Variants in PPARGC1A observed in about 807,000 individuals in gnomAD.
The protein encoded by PPARGC1A is peroxisome proliferator-activated receptor gamma coactivator 1-alpha.
Under a neutral mutation model 88.7 loss-of-function variants are expected in PPARGC1A, and 25 were observed. That is an observed-to-expected ratio of 0.28 (90% CI 0.21 to 0.39). The LOEUF (loss-of-function observed/expected upper bound fraction) is 0.39. Ranked by LOEUF, PPARGC1A falls within the 10% of genes least tolerant of loss-of-function variation. The pLI is 1.00. For missense variants in PPARGC1A, 880 were observed against 968.7 expected (o/e 0.91, Z 1.22); for synonymous variants, 363 against 355.6 (o/e 1.02, Z -0.24).
chr4:24,308,231 G>A, the PPARGC1A span, among the ~76,000 whole-genome samples: 4 of 139,992 alleles, frequency 2.9e-5, no homozygotes, highest in Admixed American at 3.0e-4. Context: ...GGTGGAGGTT[G>A]CAGTGAGCAG....
At chr4:24,417,670 G>A in the PPARGC1A span, among the ~76,000 whole-genome samples, 1 of 152,144 alleles carries the variant, frequency 6.6e-6, no homozygotes, top group Admixed American at 6.6e-5. Context: ...CATCTAGCAG[G>A]TCACTTTGCA....
At chr4:23,863,001 T>C (rs1731513612) in intron 2 of PPARGC1A, among the ~76,000 whole-genome samples, 1 of 151,912 alleles carries the variant, frequency 6.6e-6, no homozygotes, top group Non-Finnish European at 1.5e-5. Flanking sequence ...CTGAAACATG[T>C]CCTCTTCTCA....
the PPARGC1A span, among the ~76,000 whole-genome samples, chr4:24,455,197 T>C: frequency 6.6e-6 from 1 of 152,154 alleles, no homozygotes; most frequent in African/African-American, 2.4e-5. Context: ...AAAGAATGAA[T>C]GGGGCCGGGG....
At chr4:24,317,648 T>C in the PPARGC1A span, among the ~76,000 whole-genome samples, 4 of 138,842 alleles carry the variant, frequency 2.9e-5, no homozygotes, top group South Asian at 2.5e-4. Context: ...ACTGGTCACC[T>C]GGCATCTTGT....
At chr4:24,333,937 CAACAAAAAAAA>C in the PPARGC1A span, among the ~76,000 whole-genome samples, 2 of 10,366 alleles carry the variant, frequency 1.9e-4, no homozygotes, top group Non-Finnish European at 3.3e-4. Context: ...CCAACAACAA[CAACAAAAAAAA>C]AAAAAAAAAA....
chr4:23,943,714 A>C, the PPARGC1A span, among the ~76,000 whole-genome samples: 39 of 152,334 alleles, frequency 2.6e-4, no homozygotes, highest in Non-Finnish European at 4.9e-4. Flanking sequence ...GTGACTGTGC[A>C]GTGGAGAACC....
the PPARGC1A span, among the ~76,000 whole-genome samples, chr4:23,954,703 G>T: frequency 6.6e-6 from 1 of 151,880 alleles, no homozygotes; most frequent in South Asian, 2.1e-4. Flanking sequence ...GTGAAGAAAT[G>T]GATTGTTTCA....
the PPARGC1A span, among the ~76,000 whole-genome samples, chr4:24,130,626 T>C: frequency 6.6e-6 from 1 of 152,122 alleles, no homozygotes; most frequent in Non-Finnish European, 1.5e-5. Context: ...TAAACTGTCC[T>C]CCTAGAAACC....
the PPARGC1A span, among the ~76,000 whole-genome samples, chr4:24,442,912 T>C: frequency 6.6e-6 from 1 of 152,226 alleles, no homozygotes; most frequent in East Asian, 1.9e-4. Context: ...GGTAGTTTTA[T>C]GATCTGAGAT....
At chr4:23,900,588 C>G (rs189163275), upstream of PPARGC1A, among the ~76,000 whole-genome samples, 5 of 152,318 alleles carry the variant, frequency 3.3e-5, no homozygotes, top group Admixed American at 3.3e-4. Context: ...AATGTAAAAT[C>G]AAGCAACATT....
At chr4:24,148,149 T>C in the PPARGC1A span, among the ~76,000 whole-genome samples, 1 of 152,108 alleles carries the variant, frequency 6.6e-6, no homozygotes, top group African/African-American at 2.4e-5. Context: ...CTATAACATT[T>C]CTCCCCCCAC....
chr4:23,949,421 G>T, the PPARGC1A span, among the ~76,000 whole-genome samples: 1 of 152,132 alleles, frequency 6.6e-6, no homozygotes, highest in Non-Finnish European at 1.5e-5. Context: ...ATAGCTGCCA[G>T]CCAGCTTTCA....
chr4:24,383,035 G>A, the PPARGC1A span, among the ~76,000 whole-genome samples: 1 of 152,220 alleles, frequency 6.6e-6, no homozygotes, highest in African/African-American at 2.4e-5. Context: ...GAAGGAACGG[G>A]CAGCAATCTT....
the PPARGC1A span, among the ~76,000 whole-genome samples, chr4:23,942,735 A>C: frequency 6.6e-6 from 1 of 152,182 alleles, no homozygotes; most frequent in African/African-American, 2.4e-5. Context: ...GAACTCACAA[A>C]GGCAAATTTC....
chr4:24,296,912 T>C, the PPARGC1A span, among the ~76,000 whole-genome samples: 2 of 151,972 alleles, frequency 1.3e-5, no homozygotes, highest in Non-Finnish European at 2.9e-5. Flanking sequence ...ATCTCACCTT[T>C]CAAATCAGCA....
chr4:24,421,397 G>A, the PPARGC1A span, among the ~76,000 whole-genome samples: 2 of 149,268 alleles, frequency 1.3e-5, no homozygotes, highest in African/African-American at 2.5e-5. Context: ...TGCAAGCTCC[G>A]CCTCCCGGGT....
the PPARGC1A span, among the ~76,000 whole-genome samples, chr4:24,286,724 C>A: frequency 6.6e-6 from 1 of 152,200 alleles, no homozygotes; most frequent in East Asian, 1.9e-4. Flanking sequence ...CAAATCACCC[C>A]AAACTTTGGC....
chr4:23,999,792 G>C, the PPARGC1A span, among the ~76,000 whole-genome samples: 2 of 152,256 alleles, frequency 1.3e-5, no homozygotes, highest in African/African-American at 2.4e-5. Flanking sequence ...GTGATGGGGA[G>C]AGACGACAGA....
chr4:24,017,950 T>C, the PPARGC1A span, among the ~76,000 whole-genome samples: 9 of 152,316 alleles, frequency 5.9e-5, no homozygotes, highest in South Asian at 1.9e-3. Flanking sequence ...CATTCACTTA[T>C]ACTCAGTCTT....
Sources: allele counts gnomAD v4.1 joint callset (sites outside exome capture counted in the v4.1 genomes callset), GRCh38; gene constraint gnomAD v4.1.1; transcripts MANE v1.5; gene names NCBI Gene and HGNC (gene_info 2026-07-23, HGNC 2026-07-21).